Variants in ITGA11 observed in about 807,000 individuals in gnomAD.
ITGA11 encodes the protein integrin alpha-11.
Under a neutral mutation model 141.9 loss-of-function variants are expected in ITGA11, and 97 were observed. The observed-to-expected ratio is 0.68, with a 90% CI of 0.58 to 0.81. ITGA11 has a LOEUF of 0.81. ITGA11 is among the 30% of genes least tolerant of loss of function. ITGA11 has a pLI of 0.00. For missense variants in ITGA11, 1,387 were observed against 1,559.2 expected (o/e 0.89, Z 1.86); for synonymous variants, 658 against 624.6 (o/e 1.05, Z -0.80).
In ITGA11 at chr15:68,308,748, AAAG is replaced by A. The variant is rs1893279215; in HGVS notation, c.3175-1055_3175-1053del. Among the ~76,000 whole-genome samples, 1 of 3,070 alleles carries A rather than the reference AAAG, an allele frequency of 3.3e-4. No homozygotes were observed. Among genetic ancestry groups the A allele is most frequent in the African/African-American group, 4.0e-4 (1 of 2,518 alleles). 2.0% of individuals were successfully genotyped at this position (3,070 alleles called of 152,430 possible). Reference sequence around the variant, plus strand: ...CCGAGCCAGACTCTGTCTCAAAAGAAAAGAAAAGAAAAGAAAGAAAAGAAAAGA... The same window carrying A: ...CCGAGCCAGACTCTGTCTCAAAAGAAAAAAGAAAAGAAAGAAAAGAAAAGA... On this transcript the variant is annotated intron_variant, in intron 26 of 29. Transcript: ENST00000315757. This position sits in a 1 kb window ranked among gnomAD's most constrained non-coding sequence, Gnocchi z 5.2.
intron 10 of ITGA11, among the ~76,000 whole-genome samples, chr15:68,347,135 G>A (rs1198926324): frequency 1.3e-5 from 2 of 152,128 alleles, no homozygotes; most frequent in Non-Finnish European, 2.9e-5. Flanking sequence ...CAGCTCTGAC[G>A]TCAGAGTCTG....
chr15:68,390,873 G>A (rs764107340), intron 2 of ITGA11, among the ~76,000 whole-genome samples: 17 of 152,190 alleles, frequency 1.1e-4, no homozygotes, highest in South Asian at 8.3e-4. Flanking sequence ...CAGAGGCTTC[G>A]CACTTCAAAC....
At position 68,376,078 on chromosome 15, in the gene ITGA11, C is replaced by T. The variant is rs1322384843; in HGVS notation, c.165-6794G>A. ...GCCCTCTAGGAGACACTGATGCATG[C>T]TTAAGTTTGAGAAGCATGAGGAGTG... On this transcript the variant is annotated intron_variant, in intron 2 of 29. Coordinates refer to ENST00000315757, the MANE Select transcript of ITGA11 (RefSeq NM_001004439.2). Among the ~76,000 whole-genome samples the T allele has an allele frequency of 2.0e-5, 3 of 152,162 alleles. No homozygotes were observed. In the South Asian group the frequency reaches 6.2e-4, roughly 32 times the overall value.
At chr15:68,360,202 A>T (rs1452484799) in intron 5 of ITGA11, among the ~76,000 whole-genome samples, 1 of 152,216 alleles carries the variant, frequency 6.6e-6, no homozygotes, top group Non-Finnish European at 1.5e-5. Flanking sequence ...ATGTGGACTG[A>T]GCACCTGCTA....
At chr15:68,320,620 A>T (rs1456032868) in intron 19 of ITGA11, among the ~76,000 whole-genome samples, 3 of 152,188 alleles carry the variant, frequency 2.0e-5, no homozygotes, top group Non-Finnish European at 4.4e-5. Flanking sequence ...CATAGAGATC[A>T]TACCCTCCGC....
intron 5 of ITGA11, among the ~76,000 whole-genome samples, chr15:68,359,395 C>T (rs936685523): frequency 3.9e-5 from 6 of 152,162 alleles, no homozygotes; most frequent in African/African-American, 7.2e-5. Context: ...CCCATAATCC[C>T]AGCACTTTGG....
chr15:68,342,227 T>A (rs968924467), intron 10 of ITGA11, among the ~76,000 whole-genome samples: 2 of 152,194 alleles, frequency 1.3e-5, no homozygotes, highest in Non-Finnish European at 2.9e-5. Flanking sequence ...AAACAAACAG[T>A]GGGCATTCCC....
intron 6 of ITGA11, 66 bp from the exon 7 acceptor site, chr15:68,357,365 A>G: frequency 1.3e-6 from 2 of 1,548,792 alleles, no homozygotes; most frequent in Admixed American, 3.9e-5. Flanking sequence ...TTAGAATTTG[A>G]GAGTGAGGAT....
intron 1 of ITGA11, 31 bp from the exon 2 acceptor site, chr15:68,403,060 G>A (rs145765426): frequency 6.7e-6 from 10 of 1,481,564 alleles, no homozygotes; most frequent in Middle Eastern, 1.7e-4. Flanking sequence ...AGGAGAAGCA[G>A]GGGAGTCAGA....
intron 2 of ITGA11, among the ~76,000 whole-genome samples, chr15:68,374,831 G>A (rs1470510335): frequency 1.3e-5 from 2 of 152,244 alleles, no homozygotes; most frequent in South Asian, 2.1e-4. Flanking sequence ...CCTCTGCAAG[G>A]CCTCAACCTC....
intron 1 of ITGA11, among the ~76,000 whole-genome samples, chr15:68,428,397 C>T (rs1054552574): frequency 1.3e-5 from 2 of 152,110 alleles, no homozygotes; most frequent in Non-Finnish European, 2.9e-5. Flanking sequence ...TCTTCCAGGG[C>T]TCACAGCCCT....
In ITGA11 at chr15:68,311,371, C is replaced by T. The variant is rs1164418272; in HGVS notation, c.3006G>A (p.Gly1002=). 1.0e-5 allele frequency: 16 copies of T among 1,571,352 alleles called. 1 individual carries two copies. In the African/African-American group the frequency reaches 1.3e-4, roughly 13 times the overall value. ...TGGGAATGGTGATCTTCATCATCAT[C>T]CCGTGGATGGGGAACAAGCCCAAGT... The part of the protein sequence containing the change: ...IQNLGLFPIH[G]MMMKITIPIA... Residue 1002 remains glycine, a synonymous_variant, in exon 25 of 30, where the codon GGG becomes GGA. Coordinates refer to ENST00000315757, the MANE Select transcript of ITGA11 (RefSeq NM_001004439.2).
At chr15:68,419,926 G>C (rs990603043) in intron 1 of ITGA11, among the ~76,000 whole-genome samples, 1 of 152,130 alleles carries the variant, frequency 6.6e-6, no homozygotes, top group South Asian at 2.1e-4. Flanking sequence ...ATTAAGTGTC[G>C]AGACCAGTGT....
In ITGA11 at chr15:68,307,578, C is replaced by G; in HGVS notation, c.3285+8G>C. 6.2e-7 allele frequency: 1 copy of G among 1,601,576 alleles called. No homozygotes were observed. The highest frequency in any genetic ancestry group is 8.5e-7 in the Non-Finnish European group (1 of 1,169,792). The stretch of plus-strand genomic sequence containing the variant: ...TTCCTTCCAGCCCAGCCCAGGGGCT[C>G]TACTTACTGCTTTTAGGGACCTCAA... On this transcript the variant is annotated splice_region_variant and intron_variant, in intron 27 of 29. Coordinates refer to ENST00000315757, the MANE Select transcript of ITGA11 (RefSeq NM_001004439.2). This position sits in a 1 kb window ranked among gnomAD's most constrained non-coding sequence, Gnocchi z 6.1.
chr15:68,370,969 A>G (rs1189481631), intron 2 of ITGA11, among the ~76,000 whole-genome samples: 1 of 152,198 alleles, frequency 6.6e-6, no homozygotes, highest in Non-Finnish European at 1.5e-5. Flanking sequence ...GCCAGGTCTG[A>G]AGTGGGAGTT....
chr15:68,349,836 A>T (rs979982075), intron 9 of ITGA11, among the ~76,000 whole-genome samples: 1 of 152,236 alleles, frequency 6.6e-6, no homozygotes, highest in African/African-American at 2.4e-5. Context: ...AGCAGTTGGC[A>T]TATAGGGATT....
chr15:68,312,333 C>T (rs143306617), intron 24 of ITGA11, among the ~76,000 whole-genome samples: 86 of 152,284 alleles, frequency 5.6e-4, no homozygotes, highest in Admixed American at 7.8e-4. Flanking sequence ...CTTCCTGCTG[C>T]CTGGAATGAG....
intron 1 of ITGA11, among the ~76,000 whole-genome samples, chr15:68,429,186 C>T (rs947818009): frequency 6.6e-6 from 1 of 152,112 alleles, no homozygotes; most frequent in Admixed American, 6.5e-5. Context: ...CTATTATTAC[C>T]CCCACTTTGT....
At chr15:68,315,079 A>G (rs546429211) in intron 22 of ITGA11, among the ~76,000 whole-genome samples, 1 of 152,218 alleles carries the variant, frequency 6.6e-6, no homozygotes, top group Non-Finnish European at 1.5e-5. Context: ...ACAGATAGAC[A>G]GGAAGACCCA....
Sources: gnomAD v4.1 joint callset for allele counts (sites outside exome capture counted in the v4.1 genomes callset) on GRCh38, gnomAD v4.1.1 for gene constraint, Gnocchi (gnomAD v3.1) non-coding constraint, MANE v1.5 for transcripts, NCBI Gene and HGNC (gene_info 2026-07-23, HGNC 2026-07-21) for gene names.